LARS2: variants seen among roughly 807,000 people sequenced by gnomAD.
LARS2 encodes the protein leucyl-tRNA synthetase 2, mitochondrial.
LARS2 carries 81 observed loss-of-function variants against 116.6 expected under a neutral mutation model. That is an observed-to-expected ratio of 0.69 (90% CI 0.58 to 0.84). LARS2 has a LOEUF of 0.84. Ranked by LOEUF, LARS2 falls within the 40% of genes least tolerant of loss-of-function variation. The probability of loss-of-function intolerance (pLI) is 0.00; values close to 1 mark genes in which losing one functional copy is unlikely to be tolerated. For synonymous variants in LARS2, 396 were observed against 407.2 expected (o/e 0.97, Z 0.33); for missense variants, 968 against 1,114.5 (o/e 0.87, Z 1.87).
Position 45,427,850 on chromosome 3 carries a change from T to G in LARS2, c.516+8121T>G, listed in dbSNP as rs1698622995. 2.0e-5 allele frequency among the ~76,000 whole-genome samples: 3 copies of G among 151,464 alleles called. No homozygotes were observed. In the South Asian group the frequency reaches 6.3e-4, roughly 32 times the overall value. On this transcript the variant is annotated intron_variant, in intron 6 of 21. Coordinates refer to ENST00000645846, the MANE Select transcript of LARS2 (RefSeq NM_015340.4). ...CTTTTTTTTTTTTTGAGGCGGAGTT[T>G]TGCTCTTCTTGCTCAGGCTGGAGTA...
chr3:45,428,381 C>T (rs1001950062), intron 6 of LARS2, among the ~76,000 whole-genome samples: 12 of 151,110 alleles, frequency 7.9e-5, no homozygotes, highest in Non-Finnish European at 1.8e-4. Context: ...GTAGCTGGGA[C>T]TACAGATGCC....
intron 14 of LARS2, 104 bp from the exon 15 acceptor site, chr3:45,500,338 G>GA: frequency 3.6e-6 from 4 of 1,119,560 alleles, no homozygotes; most frequent in Non-Finnish European, 5.1e-6. Context: ...GTTATTCCCT[G>GA]ATACGGTTCA....
chr3:45,409,839 C>T (rs1288680188), intron 4 of LARS2, among the ~76,000 whole-genome samples: 1 of 152,042 alleles, frequency 6.6e-6, no homozygotes, highest in Non-Finnish European at 1.5e-5. Flanking sequence ...CTAGGGCAAA[C>T]ATTTGTTTTT....
At chr3:45,468,358 C>T (rs1311571301) in intron 8 of LARS2, among the ~76,000 whole-genome samples, 1 of 152,142 alleles carries the variant, frequency 6.6e-6, no homozygotes, top group Non-Finnish European at 1.5e-5. Context: ...CCTCAAGACT[C>T]CCCTTTCCTG....
chr3:45,515,574 G>T (rs189996834), intron 16 of LARS2, among the ~76,000 whole-genome samples: 50 of 152,288 alleles, frequency 3.3e-4, no homozygotes, highest in African/African-American at 1.2e-3. Flanking sequence ...CCAAAGAATA[G>T]GGTGTGGGTG....
chr3:45,516,361 T>C, intron 17 of LARS2, 85 bp downstream of exon 17: 1 of 1,316,648 alleles, frequency 7.6e-7, no homozygotes, highest in South Asian at 1.4e-5. Flanking sequence ...ATGTCTTTGC[T>C]GAAGACAGTG....
At chr3:45,546,401 A>G (rs933103739) in intron 21 of LARS2, among the ~76,000 whole-genome samples, 4 of 152,214 alleles carry the variant, frequency 2.6e-5, no homozygotes, top group East Asian at 1.9e-4. Context: ...TCAAAACAGT[A>G]TTTCATAATA....
At chr3:45,421,597 A>G (rs1238725655) in intron 6 of LARS2, 1 of 152,120 alleles carries the variant, frequency 6.6e-6, no homozygotes, top group Non-Finnish European at 1.5e-5. Flanking sequence ...ACGTCATTTT[A>G]TTGCTGGTCA....
intron 3 of LARS2, among the ~76,000 whole-genome samples, chr3:45,397,164 G>T (rs978101296): frequency 3.9e-4 from 59 of 152,038 alleles, no homozygotes; most frequent in African/African-American, 1.4e-3. Context: ...TCTTTTAAAG[G>T]CTTAAATTCT....
At chr3:45,518,104 C>T in intron 18 of LARS2, 32 bp downstream of exon 18, 1 of 1,569,532 alleles carries the variant, frequency 6.4e-7, no homozygotes, top group South Asian at 1.1e-5. Context: ...GGGGTTAACT[C>T]TGTAACCAAG....
intron 4 of LARS2, 69 bp from the exon 5 acceptor site, chr3:45,417,413 C>A: frequency 8.4e-7 from 1 of 1,189,388 alleles, no homozygotes; most frequent in South Asian, 1.2e-5. Flanking sequence ...GCTGAGTTTG[C>A]CCCAGAAGAC....
At chr3:45,477,614 C>G (rs1243543140) in intron 10 of LARS2, among the ~76,000 whole-genome samples, 2 of 152,042 alleles carry the variant, frequency 1.3e-5, no homozygotes, top group Non-Finnish European at 2.9e-5. Flanking sequence ...GGATATGAAG[C>G]CTGGGTAGAC....
intron 6 of LARS2, among the ~76,000 whole-genome samples, chr3:45,443,096 C>G (rs913290052): frequency 6.6e-6 from 1 of 152,170 alleles, no homozygotes; most frequent in Admixed American, 6.5e-5. Flanking sequence ...GCCAGATGGT[C>G]TCTGGGGAAC....
chr3:45,448,890 G>T (rs1278776549), intron 7 of LARS2, among the ~76,000 whole-genome samples: 1 of 152,240 alleles, frequency 6.6e-6, no homozygotes, highest in African/African-American at 2.4e-5. Context: ...GTGTTGCAGA[G>T]ATTTTGTTTA....
At chr3:45,455,353 G>A (rs576229583) in intron 7 of LARS2, among the ~76,000 whole-genome samples, 1 of 151,302 alleles carries the variant, frequency 6.6e-6, no homozygotes, top group Non-Finnish European at 1.5e-5. Flanking sequence ...AGAGACAGAG[G>A]TGGAGGGATA....
At chr3:45,417,330 G>A (rs1318635167) in intron 4 of LARS2, 152 bp from the exon 5 acceptor site, 1 of 632,346 alleles carries the variant, frequency 1.6e-6, no homozygotes, top group East Asian at 2.7e-5. Flanking sequence ...TACGTCATAG[G>A]TAGCCAGCTG....
Position 45,459,006 on chromosome 3 carries a change from A to G in LARS2, c.750+120A>G, listed in dbSNP as rs553043162. The G allele has an allele frequency of 2.0e-4, 189 of 965,764 alleles. 2 individuals are homozygous for G. In the South Asian group the frequency reaches 2.7e-3, roughly 14 times the overall value. 59.8% of individuals were successfully genotyped at this position (965,764 alleles called of 1,614,324 possible). On this transcript the variant is annotated intron_variant, in intron 8 of 21. Transcript: ENST00000645846. ...TGAGCTCTAGGAAGGGCTGGGAGCC[A>G]TGGATGTACAGACAGGAAGCAGCTG...
chr3:45,408,079 T>G (rs1698263402), intron 4 of LARS2, among the ~76,000 whole-genome samples: 1 of 152,142 alleles, frequency 6.6e-6, no homozygotes, highest in Non-Finnish European at 1.5e-5. Flanking sequence ...GGCCCCCCCG[T>G]CCCCAGGCAA....
chr3:45,544,452 T>G (rs1046751399), intron 21 of LARS2, among the ~76,000 whole-genome samples: 1 of 152,174 alleles, frequency 6.6e-6, no homozygotes, highest in Non-Finnish European at 1.5e-5. Flanking sequence ...TGCCAGGAAG[T>G]GCTTAGCCTG....
Sources: gnomAD v4.1 joint callset for allele counts (sites outside exome capture counted in the v4.1 genomes callset) on GRCh38, gnomAD v4.1.1 for gene constraint, MANE v1.5 for transcripts, NCBI Gene and HGNC (gene_info 2026-07-23, HGNC 2026-07-21) for gene names.